Variants in ARHGEF37 observed in about 807,000 individuals in gnomAD.
ARHGEF37 encodes the protein Rho guanine nucleotide exchange factor (GEF) 37.
In ARHGEF37, 55 loss-of-function variants were observed where a neutral mutation model predicts 71.1. The observed-to-expected ratio is 0.77, with a 90% CI of 0.62 to 0.97. The LOEUF is 0.97. ARHGEF37 is among the 50% of genes least tolerant of loss of function. ARHGEF37 has a pLI of 0.00. For missense variants in ARHGEF37, 765 were observed against 836.8 expected (o/e 0.91, Z 1.06); for synonymous variants, 327 against 350.6 (o/e 0.93, Z 0.75).
upstream of ARHGEF37, among the ~76,000 whole-genome samples, chr5:149,581,295 C>T (rs1439736180): frequency 6.6e-6 from 1 of 152,224 alleles, no homozygotes; most frequent in Non-Finnish European, 1.5e-5. Flanking sequence ...CGGCACGTCG[C>T]TAAACTCCGC....
At chr5:149,595,258 T>G (rs1276726293) in intron 1 of ARHGEF37, among the ~76,000 whole-genome samples, 1 of 152,144 alleles carries the variant, frequency 6.6e-6, no homozygotes, top group Non-Finnish European at 1.5e-5. Context: ...TTACTGCAAC[T>G]TCTACCTCCT....
At position 149,627,363 on chromosome 5, in the gene ARHGEF37, G is replaced by A. The variant is rs1179663098; in HGVS notation, c.1660+92G>A. ...GACCCGGGCACTCTTGTGGGTCAAA[G>A]TCTGGCTGGGCATTCCAGGATGGGA... On this transcript the variant is annotated intron_variant, in intron 11 of 12. Coordinates refer to ENST00000333677, the MANE Select transcript of ARHGEF37 (RefSeq NM_001001669.3). 8 of 1,419,950 alleles carry A rather than the reference G, an allele frequency of 5.6e-6. No homozygotes were observed. The East Asian group carries it at 1.9e-4, about 33-fold the overall frequency. The allele number at this position is 1,419,950 out of a possible 1,614,324, so 88.0% of individuals were successfully genotyped here.
At chr5:149,601,992 A>T (rs1354147520) in intron 3 of ARHGEF37, among the ~76,000 whole-genome samples, 1 of 151,984 alleles carries the variant, frequency 6.6e-6, no homozygotes, top group South Asian at 2.1e-4. Flanking sequence ...TCTAACTGTG[A>T]TGGGGAGCCA....
rs573124476 is a variant in ARHGEF37 at position 149,602,827 on chromosome 5, A to AC, written c.310+1599dup. On this transcript the variant is annotated intron_variant, in intron 3 of 12. Coordinates refer to ENST00000333677, the MANE Select transcript of ARHGEF37 (RefSeq NM_001001669.3). The stretch of plus-strand genomic sequence containing the variant: ...GCAGAAAGGAGGAGGAGATGAAGGT[A>AC]CCCAGTACTGTGGCCACCCAAGTCC... Among the ~76,000 whole-genome samples the AC allele has an allele frequency of 9.9e-5, 15 of 152,260 alleles. No individual in the cohort carries two copies. The East Asian group carries it at 2.9e-3, about 29-fold the overall frequency.
intron 1 of ARHGEF37, among the ~76,000 whole-genome samples, chr5:149,562,862 T>C (rs554419694): frequency 1.3e-5 from 2 of 152,336 alleles, no homozygotes; most frequent in Non-Finnish European, 2.9e-5. Context: ...CTGTTCTAGA[T>C]CTGAATGGGG....
Position 149,618,927 on chromosome 5 carries a change from A to G in ARHGEF37, c.790-11A>G, listed in dbSNP as rs1561805715. 1 of 1,608,050 alleles carries G rather than the reference A, an allele frequency of 6.2e-7. No homozygotes were observed. The highest frequency in any genetic ancestry group is 8.5e-7 in the Non-Finnish European group (1 of 1,174,488). On this transcript the variant is annotated splice_polypyrimidine_tract_variant and intron_variant, in intron 6 of 12. Coordinates refer to ENST00000333677, the MANE Select transcript of ARHGEF37 (RefSeq NM_001001669.3). ...GTGGATATTCTCAACCCTCACACAC[A>G]TTACTTTCAGACAGAAGACAAGGAA...
chr5:149,631,607 G>T (rs1752886341), intron 12 of ARHGEF37, among the ~76,000 whole-genome samples: 1 of 152,216 alleles, frequency 6.6e-6, no homozygotes, highest in Non-Finnish European at 1.5e-5. Flanking sequence ...CAGTGATGTG[G>T]CAGTAGTGGA....
rs978831958 is a variant in ARHGEF37 at position 149,632,313 on chromosome 5, A to T, written c.*122A>T. Reference sequence around the variant, plus strand: ...GGGAAGACCAGGCCAGGGTGGGTGAAGCACACTCAGGAGGCAGCCAGAAGA... The same window carrying T: ...GGGAAGACCAGGCCAGGGTGGGTGATGCACACTCAGGAGGCAGCCAGAAGA... On this transcript the variant is annotated 3_prime_UTR_variant, in exon 13 of 13. Transcript: ENST00000333677. 1.1e-5 allele frequency: 13 copies of T among 1,142,086 alleles called. No individual in the cohort carries two copies. The African/African-American group carries it at 1.7e-4, about 15-fold the overall frequency. The allele number at this position is 1,142,086 out of a possible 1,614,324, so 70.7% of individuals were successfully genotyped here. A position where few individuals can be genotyped will look rare whatever the true frequency, so the allele number is the denominator to read the frequency against.
upstream of ARHGEF37, among the ~76,000 whole-genome samples, chr5:149,579,881 C>T (rs771708605): frequency 1.3e-5 from 2 of 151,892 alleles, no homozygotes; most frequent in African/African-American, 2.4e-5. Context: ...CACCGTGCCC[C>T]GCCAACTGAT....
At chr5:149,551,844 G>C (rs1045127929), upstream of ARHGEF37, 1 of 152,180 alleles carries the variant, frequency 6.6e-6, no homozygotes, top group Non-Finnish European at 1.5e-5. Context: ...CGTTCCCCCG[G>C]ACCGGCCTAT....
intron 11 of ARHGEF37, 49 bp from the exon 12 acceptor site, chr5:149,628,741 ATTTTCTCCCTCATTAAAAG>A: frequency 6.6e-7 from 1 of 1,510,926 alleles, no homozygotes; most frequent in Non-Finnish European, 8.9e-7. Flanking sequence ...ATATCCATGG[ATTTTCTCCCTCATTAAAAG>A]GGACGGGAAG....
At chr5:149,631,172 CTTTTTTTCT>C (rs1752872708) in intron 12 of ARHGEF37, among the ~76,000 whole-genome samples, 1 of 118,084 alleles carries the variant, frequency 8.5e-6, no homozygotes, top group South Asian at 2.7e-4. Context: ...TCCTTCCTTT[CTTTTTTTCT>C]TTTTTTTTTT....
chr5:149,621,052 A>C lies in ARHGEF37; in HGVS notation c.1005+588A>C, dbSNP rs1415223196. Among the ~76,000 whole-genome samples the C allele has an allele frequency of 1.3e-5, 2 of 152,146 alleles. 1 individual carries two copies. Among genetic ancestry groups the C allele is most frequent in the Non-Finnish European group, 2.9e-5 (2 of 68,026 alleles). On this transcript the variant is annotated intron_variant, in intron 8 of 12. Coordinates refer to ENST00000333677, the MANE Select transcript of ARHGEF37 (RefSeq NM_001001669.3). ...GGGGGTGGCTACTTTGAATAACCCC[A>C]TTCTGCAGGTGAGAGATTGAGGCTC...
At chr5:149,627,358 T>C (rs1213085776) in intron 11 of ARHGEF37, 87 bp downstream of exon 11, 17 of 1,454,942 alleles carry the variant, frequency 1.2e-5, no homozygotes, top group Admixed American at 2.0e-5. Flanking sequence ...CTCTTGTGGG[T>C]CAAAGTCTGG....
Position 149,581,856 on chromosome 5 carries a change from G to A in ARHGEF37, c.-12+232G>A, listed in dbSNP as rs1016141894. Among the ~76,000 whole-genome samples the A allele has an allele frequency of 3.9e-4, 60 of 152,194 alleles. 1 individual carries two copies. Among genetic ancestry groups the A allele is most frequent in the Non-Finnish European group, 2.2e-4 (15 of 68,040 alleles). ...GTCGTTTTACAGGTGGGAAACTGAG[G>A]CCCAGGGAGGTTAGCCGGCCTGGAA... On this transcript the variant is annotated intron_variant, in intron 1 of 12. Transcript: ENST00000333677.
chr5:149,595,049 G>A (rs764547016), intron 1 of ARHGEF37, among the ~76,000 whole-genome samples: 8 of 152,212 alleles, frequency 5.3e-5, no homozygotes, highest in African/African-American at 1.9e-4. Flanking sequence ...CAGGTTTGTG[G>A]TTGCCAAGGA....
chr5:149,590,283 T>A, intron 1 of ARHGEF37, among the ~76,000 whole-genome samples: 1 of 61,070 alleles, frequency 1.6e-5, no homozygotes, highest in East Asian at 5.3e-4. Context: ...ATCATTCAAC[T>A]TTTTTTTTTT....
chr5:149,551,699 G>A (rs1399627771), upstream of ARHGEF37: 1 of 152,558 alleles, frequency 6.6e-6, no homozygotes, highest in Non-Finnish European at 1.5e-5. Context: ...GGAAGGCTGA[G>A]TGGCCCCCCG....
At chr5:149,593,679 G>A (rs915247784) in intron 1 of ARHGEF37, among the ~76,000 whole-genome samples, 2 of 152,142 alleles carry the variant, frequency 1.3e-5, no homozygotes, top group Non-Finnish European at 2.9e-5. Context: ...ATTATATACT[G>A]TATTCTTAAA....
Sources: gnomAD v4.1 joint callset for allele counts (sites outside exome capture counted in the v4.1 genomes callset) on GRCh38, gnomAD v4.1.1 for gene constraint, MANE v1.5 for transcripts, NCBI Gene and HGNC (gene_info 2026-07-23, HGNC 2026-07-21) for gene names.